The following SGPP2 variants were observed in gnomAD, a reference collection of about 807,000 sequenced individuals.
The protein encoded by SGPP2 is sphingosine-1-phosphate phosphatase 2, also known as sphingosine 1-phosphate phosphohydrolase 2.
In SGPP2, 30 loss-of-function variants were observed where a neutral mutation model predicts 33.9. That is an observed-to-expected ratio of 0.89 (90% CI 0.66 to 1.20). The LOEUF (loss-of-function observed/expected upper bound fraction) is 1.20, where lower values mean the gene tolerates loss of function less well. Among genes scored for constraint, SGPP2 ranks in the 50% most tolerant of loss-of-function variants. SGPP2 has a pLI of 0.00. For missense variants in SGPP2, 458 were observed against 532.1 expected (o/e 0.86, Z 1.37); for synonymous variants, 233 against 225.0 (o/e 1.04, Z -0.32).
At chr2:222,524,341 G>C (rs1268782766) in intron 3 of SGPP2, among the ~76,000 whole-genome samples, 5 of 152,216 alleles carry the variant, frequency 3.3e-5, no homozygotes, top group African/African-American at 1.2e-4. Flanking sequence ...CTTATAAGCA[G>C]AGTATCTGTG....
intron 1 of SGPP2, among the ~76,000 whole-genome samples, chr2:222,450,547 C>G (rs1697469173): frequency 6.6e-6 from 1 of 152,172 alleles, no homozygotes; most frequent in African/African-American, 2.4e-5. Flanking sequence ...GACTCCACCT[C>G]CAAAAGCAGT....
chr2:222,502,078 A>G (rs1195027409), intron 2 of SGPP2, among the ~76,000 whole-genome samples: 4 of 152,260 alleles, frequency 2.6e-5, no homozygotes, highest in African/African-American at 9.6e-5. Flanking sequence ...GCACACTCAT[A>G]GAATACAAGT....
rs1697960609 is a variant in SGPP2, at chr2:222,477,385, A to G, written c.378+2659A>G. Among the ~76,000 whole-genome samples, 3 of 151,262 alleles carry G rather than the reference A, an allele frequency of 2.0e-5. No individual in the cohort carries two copies. The South Asian group carries it at 6.2e-4, about 31-fold the overall frequency. On this transcript the variant is annotated intron_variant, in intron 2 of 4. Coordinates refer to ENST00000321276, the MANE Select transcript of SGPP2 (RefSeq NM_152386.4). The surrounding 1 kb of genome is among the most constrained non-coding windows in gnomAD (Gnocchi z 6.0). ...TGTATGTGTGTATATAGGTGTGTATATATGTGTATAGGTGTGTATATATGT... is the reference window on the plus strand; with the variant it reads ...TGTATGTGTGTATATAGGTGTGTATGTATGTGTATAGGTGTGTATATATGT...
chr2:222,455,265 A>T (rs191000831), intron 1 of SGPP2, among the ~76,000 whole-genome samples: 10 of 152,136 alleles, frequency 6.6e-5, no homozygotes. Flanking sequence ...ACAAGCTATG[A>T]AGAAGATAGA....
chr2:222,481,350 T>G (rs1177554245), intron 2 of SGPP2, among the ~76,000 whole-genome samples: 2 of 152,240 alleles, frequency 1.3e-5, no homozygotes, highest in African/African-American at 4.8e-5. Context: ...TCATTTGTAT[T>G]AACTTGTATG....
chr2:222,526,324 G>A (rs1006760560), intron 4 of SGPP2, among the ~76,000 whole-genome samples: 11 of 152,164 alleles, frequency 7.2e-5, no homozygotes, highest in Admixed American at 5.9e-4. Context: ...GGGTGAAGGC[G>A]GGCCTCAGAT....
At chr2:222,462,180 A>G (rs1158462324) in intron 1 of SGPP2, among the ~76,000 whole-genome samples, 1 of 152,124 alleles carries the variant, frequency 6.6e-6, no homozygotes, top group Non-Finnish European at 1.5e-5. Flanking sequence ...TAAGGCCAAG[A>G]AACTCAAGCA....
chr2:222,449,738 A>G (rs1372910410), intron 1 of SGPP2, among the ~76,000 whole-genome samples: 1 of 152,204 alleles, frequency 6.6e-6, no homozygotes, highest in African/African-American at 2.4e-5. Flanking sequence ...TTTCAAGAGC[A>G]GTATGAAATC....
intron 4 of SGPP2, among the ~76,000 whole-genome samples, chr2:222,540,601 C>T (rs59477482): frequency 0.061 from 9,320 of 152,092 alleles, 946 homozygotes; most frequent in African/African-American, 0.21. Context: ...CACCTGGGAA[C>T]GGTGCGCAGT....
intron 2 of SGPP2, among the ~76,000 whole-genome samples, chr2:222,500,476 G>T (rs1337485042): frequency 6.6e-6 from 1 of 152,198 alleles, no homozygotes; most frequent in African/African-American, 2.4e-5. Flanking sequence ...GACTTAGTTT[G>T]CCACACATTG....
chr2:222,544,453 G>A (rs1298134483), intron 4 of SGPP2, among the ~76,000 whole-genome samples: 1 of 152,074 alleles, frequency 6.6e-6, no homozygotes, highest in Non-Finnish European at 1.5e-5. Flanking sequence ...ACTCTCCATG[G>A]TTATGAAAAT....
chr2:222,486,466 C>T (rs1013069332), intron 2 of SGPP2, among the ~76,000 whole-genome samples: 3 of 152,078 alleles, frequency 2.0e-5, no homozygotes, highest in African/African-American at 4.8e-5. Context: ...GAATAAATAA[C>T]GTTATAGAAT....
At position 222,474,605 on chromosome 2, in the gene SGPP2, A is replaced by T; in HGVS notation, c.257A>T (p.Tyr86Phe). The T allele has an allele frequency of 6.2e-7, 1 of 1,614,066 alleles. No homozygotes were observed. The highest frequency in any genetic ancestry group is 8.5e-7 in the Non-Finnish European group (1 of 1,179,982). The change falls in exon 2 of 5, where the codon TAC (tyrosine) becomes TTC (phenylalanine). Residue 86 changes from tyrosine (Y) to phenylalanine (F), a missense_variant. Coordinates refer to ENST00000321276, the MANE Select transcript of SGPP2 (RefSeq NM_152386.4). ...AAGTACGTCGTGAAGAATTATTTCT[A>T]CTATTACCTATTCCAATTTTCAGCT... The part of the protein sequence containing the change: ...VQKYVVKNYF[Y>F]YYLFQFSAAL...
intron 2 of SGPP2, among the ~76,000 whole-genome samples, chr2:222,508,192 T>A (rs1484113904): frequency 6.6e-6 from 1 of 152,228 alleles, no homozygotes; most frequent in Non-Finnish European, 1.5e-5. Context: ...TCTATTGAGC[T>A]CCGGATGGAT....
At chr2:222,501,301 A>G (rs898742448) in intron 2 of SGPP2, among the ~76,000 whole-genome samples, 3 of 143,288 alleles carry the variant, frequency 2.1e-5, no homozygotes, top group Non-Finnish European at 4.6e-5. Context: ...GGAGTCTTTA[A>G]TCTCTCCAGA....
rs114603583 is a variant in SGPP2 at position 222,467,708 on chromosome 2, G to A, written c.220-6860G>A. Among the ~76,000 whole-genome samples the A allele has an allele frequency of 3.2e-3, 487 of 152,068 alleles. 3 individuals carry two copies. Among genetic ancestry groups the A allele is most frequent in the African/African-American group, 0.011 (466 of 41,482 alleles). On this transcript the variant is annotated intron_variant, in intron 1 of 4. Transcript: ENST00000321276. ...TGTGGAGGGAAGGCTGCTTCTTGGC[G>A]TGTTTTGTAAAAGAGCTTTGAATCT...
chr2:222,424,450 C>T, upstream of SGPP2: 2 of 260,458 alleles, frequency 7.7e-6, no homozygotes, highest in Non-Finnish European at 6.6e-6. Context: ...CGCTAGGACC[C>T]GGGCGGCGCA....
chr2:222,442,970 G>T (rs1344421828), intron 1 of SGPP2, among the ~76,000 whole-genome samples: 1 of 152,170 alleles, frequency 6.6e-6, no homozygotes, highest in East Asian at 1.9e-4. Context: ...ATTGAATCAT[G>T]ACATTATAGT....
At chr2:222,443,979 A>G (rs1697362797) in intron 1 of SGPP2, among the ~76,000 whole-genome samples, 1 of 152,230 alleles carries the variant, frequency 6.6e-6, no homozygotes, top group South Asian at 2.1e-4. Context: ...AGTGCTGAAC[A>G]CATGGTATTT....
Sources: gnomAD v4.1 joint callset for allele counts (sites outside exome capture counted in the v4.1 genomes callset) on GRCh38, gnomAD v4.1.1 for gene constraint, Gnocchi (gnomAD v3.1) non-coding constraint, MANE v1.5 for transcripts, NCBI Gene and HGNC (gene_info 2026-07-23, HGNC 2026-07-21) for gene names.